Variants in C3 observed in about 807,000 individuals in gnomAD.
C3 encodes the protein C3 and PZP-like alpha-2-macroglobulin domain-containing protein 1.
In C3, 97 loss-of-function variants were observed where a neutral mutation model predicts 207.9. The observed-to-expected ratio is 0.47, with a 90% CI of 0.40 to 0.55. The LOEUF is 0.55. Ranked by LOEUF, C3 falls within the 20% of genes least tolerant of loss-of-function variation. The pLI is 0.00. For synonymous variants in C3, 848 were observed against 857.6 expected, an observed-to-expected ratio of 0.99 and a Z score of 0.20; for missense variants, 1,684 against 2,171.7, an observed-to-expected ratio of 0.78 and a Z score of 4.46.
rs748848861 is a variant in C3, at chr19:6,707,056, C to T, written c.2245+20G>A. On this transcript the variant is annotated intron_variant, in intron 17 of 40. Transcript: ENST00000245907. ...CCATCAGACGGCCCCCTCCCCCTGT[C>T]CCCACCCCGTGGGACCTACTCCTGG... 7.5e-6 allele frequency: 12 copies of T among 1,594,454 alleles called. No individual in the cohort carries two copies. The highest frequency in any genetic ancestry group is 3.4e-5 in the Admixed American group (2 of 59,686).
chr19:6,686,051 T>G, intron 29 of C3, 73 bp downstream of exon 29: 1 of 1,474,278 alleles, frequency 6.8e-7, no homozygotes, highest in Non-Finnish European at 9.5e-7. Context: ...GGCCTCAGTG[T>G]CTTCTCTAGG....
intron 23 of C3, 62 bp downstream of exon 23, chr19:6,696,317 T>G: frequency 2.9e-6 from 3 of 1,037,946 alleles, no homozygotes; most frequent in Non-Finnish European, 3.0e-6. Flanking sequence ...CAGAATGAGA[T>G]GGAATTTGGC....
chr19:6,678,609 A>C (rs1917782582), intron 38 of C3, among the ~76,000 whole-genome samples, 154 bp from the exon 39 acceptor site: 1 of 151,998 alleles, frequency 6.6e-6, no homozygotes, highest in South Asian at 2.1e-4. Context: ...CTCATTACAC[A>C]CACAACCATA....
rs115902730 is a variant in C3 at position 6,690,967 on chromosome 19, A to G, written c.3391-240T>C. 8.5e-3 allele frequency among the ~76,000 whole-genome samples: 1,292 copies of G among 152,308 alleles called. 13 individuals are homozygous for G. Among genetic ancestry groups the G allele is most frequent in the African/African-American group, 0.028 (1,180 of 41,554 alleles). Reference sequence around the variant, plus strand: ...TGGGTACAACGGTCTGATCCATTGTAAAACCAGACACAGGCTCTAGCCCTC... The same window carrying G: ...TGGGTACAACGGTCTGATCCATTGTGAAACCAGACACAGGCTCTAGCCCTC... On this transcript the variant is annotated intron_variant, in intron 26 of 40. Coordinates refer to ENST00000245907, the MANE Select transcript of C3 (RefSeq NM_000064.4).
At position 6,711,243 on chromosome 19, in the gene C3, C is replaced by T. The variant is rs551650718; in HGVS notation, c.1270-47G>A. 3.9e-5 allele frequency: 59 copies of T among 1,507,436 alleles called. No homozygotes were observed. In the South Asian group the frequency reaches 5.8e-4, roughly 15 times the overall value. The allele number at this position is 1,507,436 out of a possible 1,614,324, so 93.4% of individuals were successfully genotyped here. On this transcript the variant is annotated intron_variant, in intron 11 of 40. Coordinates refer to ENST00000245907, the MANE Select transcript of C3 (RefSeq NM_000064.4). The stretch of plus-strand genomic sequence containing the variant: ...CCTGCTGGTCGCCGCCCGAGGATAC[C>T]CACACCCGAATCCCTGAGACCTGGG...
At chr19:6,678,077 G>A (rs1188367501) in intron 40 of C3, 54 bp from the exon 41 acceptor site, 2 of 1,613,944 alleles carry the variant, frequency 1.2e-6, no homozygotes, top group South Asian at 1.1e-5. Flanking sequence ...GTGGCGCAGG[G>A]GCGTGACAAT....
At chr19:6,699,530 G>T (rs1193921533) in intron 19 of C3, among the ~76,000 whole-genome samples, 1 of 151,994 alleles carries the variant, frequency 6.6e-6, no homozygotes, top group Non-Finnish European at 1.5e-5. Context: ...TTGAGGCCAG[G>T]AGTTTGAGAC....
intron 24 of C3, among the ~76,000 whole-genome samples, chr19:6,693,720 T>TG (rs1918227518): frequency 7.6e-5 from 1 of 13,120 alleles, no homozygotes; most frequent in South Asian, 2.2e-3. Flanking sequence ...ATATTGAGGG[T>TG]GGGGGGCTTT....
At position 6,682,125 on chromosome 19, in the gene C3, T is replaced by A; in HGVS notation, c.4260+17A>T. ...CAGGCTCCTTTCCACTTATCCCAGC[T>A]CCTGAGCCCTTCATACCTGCTTCAG... On this transcript the variant is annotated intron_variant, in intron 34 of 40. Transcript: ENST00000245907. 1.9e-6 allele frequency: 3 copies of A among 1,611,602 alleles called. No homozygotes were observed. The South Asian group carries it at 3.3e-5, about 18-fold the overall frequency.
intron 4 of C3, among the ~76,000 whole-genome samples, chr19:6,714,932 G>A (rs1968001470): frequency 1.3e-5 from 2 of 152,148 alleles, no homozygotes; most frequent in Admixed American, 1.3e-4. Context: ...TACAAGCTGT[G>A]TGACCCTGGG....
intron 4 of C3, among the ~76,000 whole-genome samples, chr19:6,715,615 T>G (rs1384916276): frequency 6.7e-6 from 1 of 148,266 alleles, no homozygotes; most frequent in East Asian, 2.0e-4. Flanking sequence ...TCTGTTTTTT[T>G]TTTGTTTTTT....
At chr19:6,690,819 G>T in intron 26 of C3, 92 bp from the exon 27 acceptor site, 1 of 979,500 alleles carries the variant, frequency 1.0e-6, no homozygotes, top group Non-Finnish European at 1.6e-6. Flanking sequence ...CAGGGGGTCT[G>T]GGCAGGGCTG....
Position 6,719,004 on chromosome 19 carries a change from GA to G in C3, c.267+206del, listed in dbSNP as rs1968108652. ...GGGTGGGGGGGGGTCTCAGAAAAGG[GA>G]GGGGCTTATAAGGGGAGGAGACTCA... is the stretch of plus-strand genomic sequence containing the variant. On this transcript the variant is annotated intron_variant, in intron 2 of 40. Transcript: ENST00000245907. This position sits in a 1 kb window ranked among gnomAD's most constrained non-coding sequence, Gnocchi z 5.4. 7.1e-6 allele frequency among the ~76,000 whole-genome samples: 1 copy of G among 140,560 alleles called. No homozygotes were observed. Among genetic ancestry groups the G allele is most frequent in the South Asian group, 2.4e-4 (1 of 4,124 alleles). 92.2% of individuals were successfully genotyped at this position (140,560 alleles called of 152,430 possible). A position where few individuals can be genotyped will look rare whatever the true frequency, so the allele number is the denominator to read the frequency against.
In C3 at chr19:6,697,486, G is replaced by A. The variant is rs1967564590; in HGVS notation, c.2654C>T (p.Thr885Ile). Reference sequence around the variant, plus strand: ...CGAGGACTTGGGGGGGATGGTTACGGTCTGCTGGTGACGCCTCTTGGTGGT... The same window carrying A: ...CGAGGACTTGGGGGGGATGGTTACGATCTGCTGGTGACGCCTCTTGGTGGT... ...LATTKRRHQQ[T>I]VTIPPKSSLS... The change falls in exon 21 of 41, where the codon ACC becomes ATC. Residue 885 changes from threonine (T) to isoleucine (I), a missense_variant. Transcript: ENST00000245907. The A allele has an allele frequency of 6.2e-7, 1 of 1,613,842 alleles. No homozygotes were observed. The highest frequency in any genetic ancestry group is 1.3e-5 in the African/African-American group (1 of 74,812).
chr19:6,709,800 G>A lies in C3; in HGVS notation c.1729C>T (p.Pro577Ser). The change falls in exon 14 of 41, where the codon CCT becomes TCT. Residue 577 changes from proline to serine, a missense_variant. This residue lies in a region of C3 where 1,280 missense variants were observed against 1,739.1 expected (regional missense o/e 0.74). Coordinates refer to ENST00000245907, the MANE Select transcript of C3 (RefSeq NM_000064.4). ...ATCTTCAGGGTCATCTGCTGCCCAG[G>A]TACAGGCTGCCGGTCTTCTGACTGG... ...SGQSEDRQPV[P>S]GQQMTLKIEG... The A allele has an allele frequency of 6.2e-7, 1 of 1,614,002 alleles. No homozygotes were observed. Among genetic ancestry groups the A allele is most frequent in the Non-Finnish European group, 8.5e-7 (1 of 1,180,032 alleles).
At chr19:6,706,204 G>T (rs1440755402) in intron 17 of C3, among the ~76,000 whole-genome samples, 1 of 152,214 alleles carries the variant, frequency 6.6e-6, no homozygotes, top group Non-Finnish European at 1.5e-5. Context: ...ATTAGTGTGT[G>T]ACCAGCCCCA....
chr19:6,678,092 T>A, intron 40 of C3, 60 bp downstream of exon 40: 1 of 1,613,876 alleles, frequency 6.2e-7, no homozygotes, highest in Non-Finnish European at 8.5e-7. Flanking sequence ...GACAATGGTG[T>A]GGGCGTGGCA....
chr19:6,693,334 C>T, intron 25 of C3, 78 bp downstream of exon 25: 1 of 1,433,156 alleles, frequency 7.0e-7, no homozygotes. Context: ...TAAGGGACCA[C>T]CCCTGGCCAG....
rs1918094567 is a variant in C3 at position 6,689,318 on chromosome 19, TC to T, written c.3489+1310del. Among the ~76,000 whole-genome samples, 22 of 111,756 alleles carry T rather than the reference TC, an allele frequency of 2.0e-4. 1 individual carries two copies. The East Asian group carries it at 2.5e-3, about 13-fold the overall frequency. 73.3% of individuals were successfully genotyped at this position (111,756 alleles called of 152,430 possible). ...CCTCTCCTCTCTCTCTCTCTCTCTC[TC>T]TCTACCTACCTCCCTCCCTCCCTCC... is the stretch of plus-strand genomic sequence containing the variant. On this transcript the variant is annotated intron_variant, in intron 27 of 40. Transcript: ENST00000245907.
Sources: allele counts gnomAD v4.1 joint callset (sites outside exome capture counted in the v4.1 genomes callset), GRCh38; gene constraint gnomAD v4.1.1; regional missense constraint gnomAD v4.1.1; non-coding constraint Gnocchi (gnomAD v3.1); transcripts MANE v1.5; gene names NCBI Gene and HGNC (gene_info 2026-07-23, HGNC 2026-07-21).